The following UST variants were observed in gnomAD, a reference collection of about 807,000 sequenced individuals.
The protein encoded by UST is uronyl 2-sulfotransferase, also known as chondroitin sulfate 2-O-sulfotransferase.
A neutral mutation model predicts 45.6 loss-of-function variants in UST; 21 were observed. That is an observed-to-expected ratio of 0.46 (90% CI 0.33 to 0.66). The LOEUF is 0.66. UST is among the 30% of genes least tolerant of loss of function. The pLI is 0.02. For missense variants in UST, 463 were observed against 512.4 expected (o/e 0.90, Z 0.93); for synonymous variants, 215 against 200.6 (o/e 1.07, Z -0.61).
At chr6:148,975,365 C>G (rs1222607112) in intron 5 of UST, among the ~76,000 whole-genome samples, 2 of 152,138 alleles carry the variant, frequency 1.3e-5, no homozygotes, top group South Asian at 4.1e-4. Context: ...ATAACAGATG[C>G]GAGGATGTGT....
At chr6:148,859,470 T>TA (rs1292798610) in intron 1 of UST, among the ~76,000 whole-genome samples, 15 of 152,346 alleles carry the variant, frequency 9.8e-5, no homozygotes, top group Non-Finnish European at 1.5e-5. Context: ...GGTAGTTTCT[T>TA]TTGCTGTGCA....
chr6:148,899,744 C>T (rs1379370492), intron 2 of UST, among the ~76,000 whole-genome samples: 4 of 152,250 alleles, frequency 2.6e-5, no homozygotes, highest in African/African-American at 9.6e-5. Flanking sequence ...GCGCCCTGCA[C>T]GTCACTTTCT....
At chr6:148,893,423 A>G (rs1779057186) in intron 2 of UST, among the ~76,000 whole-genome samples, 1 of 152,162 alleles carries the variant, frequency 6.6e-6, no homozygotes, top group Non-Finnish European at 1.5e-5. Context: ...TTTAATGCCT[A>G]CTTAGTCTAA....
chr6:148,796,303 A>T, intron 1 of UST, among the ~76,000 whole-genome samples: 1 of 152,220 alleles, frequency 6.6e-6, no homozygotes, highest in East Asian at 1.9e-4. Context: ...GATAACAGAA[A>T]CATTTCTTGA....
At chr6:148,876,546 T>C (rs962319558) in intron 1 of UST, among the ~76,000 whole-genome samples, 3 of 152,178 alleles carry the variant, frequency 2.0e-5, no homozygotes, top group African/African-American at 7.2e-5. Context: ...GCCTGCAGGA[T>C]TGACTCTACA....
intron 5 of UST, among the ~76,000 whole-genome samples, chr6:149,014,026 T>C (rs542266110): frequency 6.6e-6 from 1 of 152,336 alleles, no homozygotes; most frequent in Admixed American, 6.5e-5. Context: ...AGTTGTCTAG[T>C]TCTTGATGTA....
At chr6:148,764,760 T>TTGA (rs1776288758) in intron 1 of UST, among the ~76,000 whole-genome samples, 5 of 152,060 alleles carry the variant, frequency 3.3e-5, no homozygotes, top group Admixed American at 1.3e-4. Context: ...CAACAAAAGG[T>TTGA]CACAAGGCAG....
chr6:148,953,995 T>C (rs10080254), intron 4 of UST, 44 bp downstream of exon 4: 128,455 of 1,453,856 alleles, frequency 0.088, 6,287 homozygotes, highest in Non-Finnish European at 0.1. Context: ...TTTCTTCTAA[T>C]GAACAGTTAC....
intron 1 of UST, among the ~76,000 whole-genome samples, chr6:148,847,515 T>G (rs2114781340): frequency 6.6e-6 from 1 of 152,346 alleles, no homozygotes; most frequent in East Asian, 1.9e-4. Context: ...AGTCACTCCC[T>G]GTCACCTTTG....
At chr6:148,899,694 C>T (rs1262106762) in intron 2 of UST, among the ~76,000 whole-genome samples, 2 of 152,258 alleles carry the variant, frequency 1.3e-5, no homozygotes, top group African/African-American at 4.8e-5. Flanking sequence ...ACAGAGTTTA[C>T]AGAACCAAAG....
At chr6:148,809,568 T>C (rs1777215798) in intron 1 of UST, among the ~76,000 whole-genome samples, 1 of 152,226 alleles carries the variant, frequency 6.6e-6, no homozygotes, top group African/African-American at 2.4e-5. Context: ...TCTGTATCCT[T>C]AGCAGAAACA....
intron 2 of UST, among the ~76,000 whole-genome samples, chr6:148,904,524 T>A (rs998414971): frequency 6.6e-6 from 1 of 152,126 alleles, no homozygotes; most frequent in African/African-American, 2.4e-5. Flanking sequence ...ATTTACAATT[T>A]AGTAATGCTT....
intron 1 of UST, among the ~76,000 whole-genome samples, chr6:148,750,065 A>C (rs532974503): frequency 6.6e-6 from 1 of 152,232 alleles, no homozygotes; most frequent in Non-Finnish European, 1.5e-5. Context: ...CTGTCAAAAC[A>C]AAACTTGTGG....
rs553644671 is a variant in UST at position 149,021,280 on chromosome 6, A to G, written c.780-44A>G. ...AACTCTCAGCATCTTGCTGCATTTC[A>G]AATATGAATGTCTGATTTTAAATAA... On this transcript the variant is annotated intron_variant, in intron 6 of 7. Transcript: ENST00000367463. 121 of 1,546,392 alleles carry G rather than the reference A, an allele frequency of 7.8e-5. No homozygotes were observed. In the East Asian group the frequency reaches 2.6e-3, roughly 33 times the overall value.
At chr6:148,800,549 C>T (rs9322154) in intron 1 of UST, among the ~76,000 whole-genome samples, 106,730 of 151,892 alleles carry the variant, frequency 0.7, 37,649 homozygotes, top group East Asian at 0.92. Context: ...CTGTGACCTG[C>T]GTTACTGGTT....
chr6:148,892,998 T>C (rs988828045), intron 2 of UST, among the ~76,000 whole-genome samples: 8 of 152,156 alleles, frequency 5.3e-5, no homozygotes, highest in African/African-American at 1.7e-4. Context: ...CTTTGTAATA[T>C]CTCTAAGAAA....
chr6:148,798,906 G>C (rs1777001553), intron 1 of UST, among the ~76,000 whole-genome samples: 1 of 152,068 alleles, frequency 6.6e-6, no homozygotes, highest in African/African-American at 2.4e-5. Flanking sequence ...GTCTCGCTCT[G>C]TCACCCAGGC....
At chr6:148,949,644 C>A (rs898410032) in intron 3 of UST, among the ~76,000 whole-genome samples, 1 of 152,028 alleles carries the variant, frequency 6.6e-6, no homozygotes, top group African/African-American at 2.4e-5. Flanking sequence ...CTAGATAATT[C>A]TGTCTTCAGT....
intron 1 of UST, among the ~76,000 whole-genome samples, chr6:148,868,629 C>T (rs190966578): frequency 6.6e-6 from 1 of 152,214 alleles, no homozygotes; most frequent in African/African-American, 2.4e-5. Flanking sequence ...TTATGAGCCA[C>T]GGTAGACTTT....
Sources: gnomAD v4.1 joint callset for allele counts (sites outside exome capture counted in the v4.1 genomes callset) on GRCh38, gnomAD v4.1.1 for gene constraint, MANE v1.5 for transcripts, NCBI Gene and HGNC (gene_info 2026-07-23, HGNC 2026-07-21) for gene names.